MSH6: variants seen among roughly 807,000 people sequenced by gnomAD.
The protein encoded by MSH6 is mutS homolog 6.
A neutral mutation model predicts 119.1 loss-of-function variants in MSH6; 85 were observed. That is an observed-to-expected ratio of 0.71 (90% CI 0.60 to 0.85). The LOEUF (loss-of-function observed/expected upper bound fraction) is 0.85, where lower values mean the gene tolerates loss of function less well. MSH6 is among the 40% of genes least tolerant of loss of function. The pLI, the probability that MSH6 is intolerant of heterozygous loss-of-function variation, is 0.00. For missense variants in MSH6, 2,163 were observed against 1,655.3 expected (o/e 1.31, Z -5.32); for synonymous variants, 830 against 586.9 (o/e 1.41, Z -5.99).
rs1669533426 is a variant in MSH6, at chr2:47,800,948, A to C, written c.2965A>C (p.Asn989His). 6.4e-7 allele frequency: 1 copy of C among 1,571,470 alleles called. No homozygotes were observed. Among genetic ancestry groups the C allele is most frequent in the Non-Finnish European group, 8.6e-7 (1 of 1,160,586 alleles). Reference sequence around the variant, plus strand: ...AATTCCTGAGAATTTCACCACTCGCAATTTGCCAGAAGAATACGAGTTGAA... The same window carrying C: ...AATTCCTGAGAATTTCACCACTCGCCATTTGCCAGAAGAATACGAGTTGAA... ...LEIPENFTTR[N>H]LPEEYELKST... Residue 989 changes from asparagine (N) to histidine (H), a missense_variant, in exon 4 of 10, where the codon AAT becomes CAT. Physicochemically the swap from Asn to His is moderately conservative, Grantham distance 68. Coordinates refer to ENST00000234420, the MANE Select transcript of MSH6 (RefSeq NM_000179.3).
In MSH6 at chr2:47,799,786, C is replaced by G; in HGVS notation, c.1803C>G (p.Leu601=). ...PVQVLFEKGN[L]SKETKTILKS... Reference sequence around the variant, plus strand: ...AAGTTTTATTTGAAAAAGGAAATCTCTCAAAGGAAACTAAAACAATTCTAA... The same window carrying G: ...AAGTTTTATTTGAAAAAGGAAATCTGTCAAAGGAAACTAAAACAATTCTAA... Residue 601 remains leucine, a synonymous_variant, in exon 4 of 10, where the codon CTC becomes CTG. Coordinates refer to ENST00000234420, the MANE Select transcript of MSH6 (RefSeq NM_000179.3). The G allele has an allele frequency of 6.2e-7, 1 of 1,614,170 alleles. No homozygotes were observed. Among genetic ancestry groups the G allele is most frequent in the Non-Finnish European group, 8.5e-7 (1 of 1,180,018 alleles).
intron 1 of MSH6, chr2:47,784,056 A>T: frequency 9.9e-7 from 1 of 1,012,612 alleles, no homozygotes; most frequent in Middle Eastern, 4.8e-4. Context: ...AGAGGTAGTT[A>T]AGAGCCGCGG....
At chr2:47,804,337 C>T (rs1669814585) in intron 5 of MSH6, among the ~76,000 whole-genome samples, 1 of 152,018 alleles carries the variant, frequency 6.6e-6, no homozygotes, top group South Asian at 2.1e-4. Context: ...AGGGGTTGAC[C>T]AGCCACAGAA....
At chr2:47,787,204 G>A (rs1668399714) in intron 1 of MSH6, among the ~76,000 whole-genome samples, 1 of 152,122 alleles carries the variant, frequency 6.6e-6, no homozygotes. Context: ...TGGGAGGATC[G>A]CTTGAGTCCA....
chr2:47,796,146 TG>T, intron 3 of MSH6, 83 bp downstream of exon 3: 1 of 1,370,386 alleles, frequency 7.3e-7, no homozygotes, highest in Non-Finnish European at 1.0e-6. Context: ...CAAGATACCT[TG>T]TTTTATATAT....
At chr2:47,809,129 T>C (rs1171413283), downstream of MSH6, 1 of 1,372,848 alleles carries the variant, frequency 7.3e-7, no homozygotes, top group South Asian at 1.2e-5. Flanking sequence ...TCTTCCTCTT[T>C]TCAGGACTCA....
intron 1 of MSH6, chr2:47,784,145 G>GC: frequency 3.0e-6 from 3 of 1,004,318 alleles, no homozygotes; most frequent in Non-Finnish European, 2.4e-6. Context: ...AGCTGCGAGC[G>GC]CGGGGGGGTG....
At position 47,800,379 on chromosome 2, in the gene MSH6, T is replaced by C. The variant is rs2104404527; in HGVS notation, c.2396T>C (p.Met799Thr). The change falls in exon 4 of 10, where the codon ATG becomes ACG. Residue 799 changes from methionine (M) to threonine (T), a missense_variant. By Grantham distance (81) the Met-to-Thr change is moderately conservative. Transcript: ENST00000234420. ...CGTCTAGATGCCATAGAAGACCTCA[T>C]GGTTGTGCCTGACAAAATCTCCGAA... ...NDRLDAIEDL[M>T]VVPDKISEVV... 4 of 1,614,128 alleles carry C rather than the reference T, an allele frequency of 2.5e-6. No homozygotes were observed. The highest frequency in any genetic ancestry group is 3.4e-6 in the Non-Finnish European group (4 of 1,180,022).
chr2:47,809,797 T>C (rs1558401193), downstream of MSH6: 2 of 793,900 alleles, frequency 2.5e-6, no homozygotes, highest in Non-Finnish European at 4.2e-6. Flanking sequence ...ACTGCTTCTT[T>C]TATAGAAGTA....
At chr2:47,783,967 G>A (rs1010181095) in intron 1 of MSH6, 1 of 1,038,888 alleles carries the variant, frequency 9.6e-7, no homozygotes, top group South Asian at 4.6e-5. Context: ...GTCCGGTGGT[G>A]TGGGGTGCGA....
In MSH6 at chr2:47,799,990, T is replaced by G. The variant is rs1197355399; in HGVS notation, c.2007T>G (p.Ile669Met). ...LKGMTSESDS[I>M]GLTPGEKSEL... The stretch of plus-strand genomic sequence containing the variant: ...GTATGACTTCAGAGTCTGATTCCAT[T>G]GGGTTGACACCAGGAGAGAAAAGTG... The change falls in exon 4 of 10, where the codon ATT becomes ATG. Residue 669 changes from isoleucine (I) to methionine (M), a missense_variant. Physicochemically the swap from Ile to Met is conservative, Grantham distance 10. Coordinates refer to ENST00000234420, the MANE Select transcript of MSH6 (RefSeq NM_000179.3). The G allele has an allele frequency of 6.2e-7, 1 of 1,614,068 alleles. No individual in the cohort carries two copies. Among genetic ancestry groups the G allele is most frequent in the Admixed American group, 1.7e-5 (1 of 60,008 alleles).
chr2:47,808,766 G>A (rs956750819), downstream of MSH6: 6 of 276,052 alleles, frequency 2.2e-5, no homozygotes, highest in East Asian at 6.9e-5. Flanking sequence ...ACTTAACCCC[G>A]ACATCTTTAC....
chr2:47,804,352 T>C (rs771448418), intron 5 of MSH6, among the ~76,000 whole-genome samples: 3 of 152,190 alleles, frequency 2.0e-5, no homozygotes, highest in African/African-American at 7.2e-5. Flanking sequence ...ACAGAACTTG[T>C]AAAGTTTTTT....
At position 47,799,008 on chromosome 2, in the gene MSH6, C is replaced by T. The variant is rs753617680; in HGVS notation, c.1025C>T (p.Ala342Val). 3.7e-6 allele frequency: 6 copies of T among 1,614,218 alleles called. No individual in the cohort carries two copies. Among genetic ancestry groups the T allele is most frequent in the Non-Finnish European group, 5.1e-6 (6 of 1,180,042 alleles). The stretch of plus-strand genomic sequence containing the variant: ...AAGAATACTTTGAGAGCTTTCTCTG[C>T]CCCTCAAAATTCTGAATCCCAAGCC... ...ETKNTLRAFS[A>V]PQNSESQAHV... Residue 342 changes from alanine (A) to valine (V), a missense_variant, in exon 4 of 10, where the codon GCC (alanine) becomes GTC (valine). Physicochemically the swap from Ala to Val is moderately conservative, Grantham distance 64. Transcript: ENST00000234420.
At chr2:47,785,549 A>C (rs1378798808) in intron 1 of MSH6, among the ~76,000 whole-genome samples, 4 of 152,218 alleles carry the variant, frequency 2.6e-5, no homozygotes, top group South Asian at 2.1e-4. Flanking sequence ...ATGGATTTCA[A>C]ATCCATTTAA....
rs63750982 is a variant in MSH6, at chr2:47,800,656, CT to C, written c.2674del (p.Ser892LeufsTer14). ...FKSKILKQVI[S>X]LQTKNPEGRF... is the part of the protein sequence containing the mutation. ...AGTCTAAAATCCTTAAGCAGGTCAT[CT>C]CTCTGCAGACAAAAAATCCTGAAGG... On this transcript the variant is annotated frameshift_variant, in exon 4 of 10. Transcript: ENST00000234420. LOFTEE classifies it high-confidence loss of function. 1 of 1,614,170 alleles carries C rather than the reference CT, an allele frequency of 6.2e-7. No homozygotes were observed. The highest frequency in any genetic ancestry group is 8.5e-7 in the Non-Finnish European group (1 of 1,180,030).
intron 4 of MSH6, among the ~76,000 whole-genome samples, chr2:47,802,254 C>T (rs193053432): frequency 5.3e-5 from 8 of 152,330 alleles, no homozygotes; most frequent in African/African-American, 1.7e-4. Flanking sequence ...ATCTCAACTT[C>T]ATAAGCAATT....
chr2:47,806,972 T>C (rs1572751009), downstream of MSH6: 3 of 851,796 alleles, frequency 3.5e-6, no homozygotes, highest in East Asian at 5.2e-5. Context: ...CCATTTTCTT[T>C]CTAGGAAATT....
Position 47,799,476 on chromosome 2 carries a change from A to G in MSH6, c.1493A>G (p.Lys498Arg), listed in dbSNP as rs147136417. The change falls in exon 4 of 10, where the codon AAG becomes AGG. Residue 498 changes from lysine (K) to arginine (R), a missense_variant. Transcript: ENST00000234420. Reference protein sequence around the residue: ...TPEMMEARCRKMAHISKYDRV... With the variant: ...TPEMMEARCRRMAHISKYDRV... ...GAAATGATGGAGGCACGATGTAGAA[A>G]GATGGCACATATATCCAAGTATGAT... is the stretch of plus-strand genomic sequence containing the variant. 14 of 1,614,086 alleles carry G rather than the reference A, an allele frequency of 8.7e-6. No individual in the cohort carries two copies. The highest frequency in any genetic ancestry group is 6.7e-5 in the African/African-American group (5 of 74,944).
Sources: gnomAD v4.1 joint callset for allele counts (sites outside exome capture counted in the v4.1 genomes callset) on GRCh38, gnomAD v4.1.1 for gene constraint, MANE v1.5 for transcripts, NCBI Gene and HGNC (gene_info 2026-07-23, HGNC 2026-07-21) for gene names.